RAPGEF1: variants seen among roughly 807,000 people sequenced by gnomAD.
RAPGEF1 encodes CRK SH3-binding GNRP.
Under a neutral mutation model 143.3 loss-of-function variants are expected in RAPGEF1, and 33 were observed. The observed-to-expected ratio is 0.23, with a 90% CI of 0.17 to 0.31. RAPGEF1 has a LOEUF of 0.31. Ranked by LOEUF, RAPGEF1 falls within the 10% of genes least tolerant of loss-of-function variation. The probability of loss-of-function intolerance (pLI) is 1.00; values close to 1 mark genes in which losing one functional copy is unlikely to be tolerated. For synonymous variants in RAPGEF1, 629 were observed against 676.5 expected (o/e 0.93, Z 1.09); for missense variants, 1,199 against 1,645.4 (o/e 0.73, Z 4.69).
At chr9:131,691,017 T>A (rs531971945) in intron 1 of RAPGEF1, among the ~76,000 whole-genome samples, 1 of 152,230 alleles carries the variant, frequency 6.6e-6, no homozygotes, top group Non-Finnish European at 1.5e-5. Context: ...AGATTTTGTG[T>A]TTTATCAAGA....
Position 131,584,697 on chromosome 9 carries a change from GCCA to G in RAPGEF1, c.3234-104_3234-102del. 1 of 1,145,114 alleles carries G rather than the reference GCCA, an allele frequency of 8.7e-7. No homozygotes were observed. Among genetic ancestry groups the G allele is most frequent in the Non-Finnish European group, 1.3e-6 (1 of 768,050 alleles). The allele number at this position is 1,145,114 out of a possible 1,614,324, so 70.9% of individuals were successfully genotyped here. A position where few individuals can be genotyped will look rare whatever the true frequency, so the allele number is the denominator to read the frequency against. On this transcript the variant is annotated intron_variant, in intron 22 of 26. Coordinates refer to ENST00000683357, the MANE Select transcript of RAPGEF1 (RefSeq NM_001377935.1). This position sits in a 1 kb window ranked among gnomAD's most constrained non-coding sequence, Gnocchi z 6.8. ...GACCTGTACGACCCCCATGCCAGTG[GCCA>G]CGAGCCCACCCCTACTGAATACCTG...
At chr9:131,623,106 A>C (rs939647082) in intron 10 of RAPGEF1, among the ~76,000 whole-genome samples, 1 of 152,074 alleles carries the variant, frequency 6.6e-6, no homozygotes, top group Admixed American at 6.5e-5. Context: ...CAATGTCACC[A>C]GGCTCCAGAC....
intron 12 of RAPGEF1, among the ~76,000 whole-genome samples, chr9:131,607,065 C>G (rs539683338): frequency 5.5e-4 from 84 of 152,302 alleles, no homozygotes; most frequent in African/African-American, 1.9e-3. Flanking sequence ...TCAAGCTCCT[C>G]CCTCATCTCA....
In RAPGEF1 at chr9:131,621,722, C is replaced by G. The variant is rs559321054; in HGVS notation, c.1905+74G>C. 1 of 1,455,892 alleles carries G rather than the reference C, an allele frequency of 6.9e-7. No homozygotes were observed. The highest frequency in any genetic ancestry group is 9.3e-7 in the Non-Finnish European group (1 of 1,072,574). 90.2% of individuals were successfully genotyped at this position (1,455,892 alleles called of 1,614,324 possible). A position where few individuals can be genotyped will look rare whatever the true frequency, so the allele number is the denominator to read the frequency against. On this transcript the variant is annotated intron_variant, in intron 11 of 26. Transcript: ENST00000683357. The surrounding 1 kb of genome is among the most constrained non-coding windows in gnomAD (Gnocchi z 4.5). The stretch of plus-strand genomic sequence containing the variant: ...CAGGGAGGAGGGTTAACCCTGCCCC[C>G]AAGGAGGGTCATTCTGGTTCCTAGA...
intron 1 of RAPGEF1, among the ~76,000 whole-genome samples, chr9:131,678,293 T>C (rs988947554): frequency 6.6e-6 from 1 of 152,120 alleles, no homozygotes; most frequent in African/African-American, 2.4e-5. Flanking sequence ...TAAAAGAAAG[T>C]AAATAAACTC....
intron 1 of RAPGEF1, among the ~76,000 whole-genome samples, chr9:131,663,778 T>C (rs1205366618): frequency 1.3e-5 from 2 of 152,188 alleles, no homozygotes; most frequent in Non-Finnish European, 2.9e-5. Flanking sequence ...ATCTGCCAAA[T>C]TTCTCCACTG....
At chr9:131,643,069 A>G (rs936170333) in intron 4 of RAPGEF1, among the ~76,000 whole-genome samples, 170 bp downstream of exon 4, 2 of 152,128 alleles carry the variant, frequency 1.3e-5, no homozygotes, top group African/African-American at 4.8e-5. Context: ...CTCAACTCTG[A>G]GATGGCATCA....
intron 5 of RAPGEF1, among the ~76,000 whole-genome samples, chr9:131,633,494 C>T (rs1541054): frequency 2.0e-5 from 3 of 152,304 alleles, no homozygotes; most frequent in East Asian, 1.9e-4. Flanking sequence ...TCTGTTGATA[C>T]AGGAAAACAT....
intron 22 of RAPGEF1, among the ~76,000 whole-genome samples, chr9:131,587,475 C>A (rs1176109937): frequency 6.6e-6 from 1 of 152,258 alleles, no homozygotes; most frequent in African/African-American, 2.4e-5. Context: ...CCCAACACCA[C>A]CTATGGCAGA....
Position 131,650,052 on chromosome 9 carries a change from TCCATCCCCAA to T in RAPGEF1, c.315+67_315+76del. ...ATAATAATAGTGCAATAGAGTTTTT[TCCATCCCCAA>T]AACCATGGACCAGGATTCTGCAGTA... On this transcript the variant is annotated intron_variant, in intron 3 of 26. Coordinates refer to ENST00000683357, the MANE Select transcript of RAPGEF1 (RefSeq NM_001377935.1). The surrounding 1 kb of genome is among the most constrained non-coding windows in gnomAD (Gnocchi z 4.7). 8.1e-7 allele frequency: 1 copy of T among 1,236,282 alleles called. No homozygotes were observed. The highest frequency in any genetic ancestry group is 2.2e-5 in the Admixed American group (1 of 44,974). The allele number at this position is 1,236,282 out of a possible 1,614,324, so 76.6% of individuals were successfully genotyped here.
At position 131,605,114 on chromosome 9, in the gene RAPGEF1, C is replaced by A. The variant is rs538134552; in HGVS notation, c.2136G>T (p.Pro712=). Residue 712 remains proline (P), a synonymous_variant, in exon 13 of 27, where the codon CCG becomes CCT. Transcript: ENST00000683357. Reference sequence around the variant, plus strand: ...AATGTGGAGAGGAAGAGGAGGTAGGCGGAAGGAAAGGCGGAACGGAAGCTT... The same window carrying A: ...AATGTGGAGAGGAAGAGGAGGTAGGAGGAAGGAAAGGCGGAACGGAAGCTT... ...HHQASVPPFL[P]PTSSSSPHFP... 1.5e-6 allele frequency: 2 copies of A among 1,364,196 alleles called. No individual in the cohort carries two copies. The highest frequency in any genetic ancestry group is 1.1e-5 in the South Asian group (1 of 87,430). 84.5% of individuals were successfully genotyped at this position (1,364,196 alleles called of 1,614,324 possible).
chr9:131,595,405 T>C lies in RAPGEF1; in HGVS notation c.2689+893A>G, dbSNP rs565935256. 5.3e-5 allele frequency among the ~76,000 whole-genome samples: 8 copies of C among 152,364 alleles called. No homozygotes were observed. The East Asian group carries it at 1.5e-3, about 29-fold the overall frequency. On this transcript the variant is annotated intron_variant, in intron 17 of 26. Transcript: ENST00000683357. ...ATTCCCCGAGTCACTCTGGGTCACA[T>C]GTTTTGGGAAACGTGCTGAGGAAAC...
intron 1 of RAPGEF1, among the ~76,000 whole-genome samples, chr9:131,674,420 T>C (rs1263297680): frequency 1.3e-5 from 2 of 152,204 alleles, no homozygotes; most frequent in African/African-American, 4.8e-5. Context: ...CCCAAAGCAG[T>C]CAGCCTGACT....
intron 1 of RAPGEF1, among the ~76,000 whole-genome samples, chr9:131,696,368 AG>A (rs577574475): frequency 3.9e-4 from 60 of 152,334 alleles, no homozygotes; most frequent in African/African-American, 1.4e-3. Context: ...TACATCTTAA[AG>A]GGCTTTCCTT....
chr9:131,662,807 T>A (rs1263108510), intron 1 of RAPGEF1, among the ~76,000 whole-genome samples: 1 of 152,112 alleles, frequency 6.6e-6, no homozygotes, highest in African/African-American at 2.4e-5. Context: ...CCTCCCAAAG[T>A]GCTAGCCACC....
intron 3 of RAPGEF1, 71 bp from the exon 4 acceptor site, chr9:131,643,488 C>T: frequency 7.1e-7 from 1 of 1,417,890 alleles, no homozygotes; most frequent in Non-Finnish European, 9.4e-7. Context: ...AATAAAGGAA[C>T]ATTTTCTTTA....
intron 1 of RAPGEF1, among the ~76,000 whole-genome samples, chr9:131,672,884 G>C (rs777029341): frequency 3.9e-5 from 6 of 152,152 alleles, no homozygotes; most frequent in Non-Finnish European, 7.3e-5. Context: ...AAATTTAGCT[G>C]AATCAGGCTC....
chr9:131,666,122 G>T (rs930815676), intron 1 of RAPGEF1, among the ~76,000 whole-genome samples: 3 of 152,226 alleles, frequency 2.0e-5, no homozygotes, highest in Non-Finnish European at 4.4e-5. Context: ...TAATATCAGA[G>T]ATGTAGATAA....
At position 131,596,338 on chromosome 9, in the gene RAPGEF1, C is replaced by T. The variant is rs35658906; in HGVS notation, c.2649G>A (p.Gly883=). 6.8e-3 allele frequency: 10,900 copies of T among 1,613,944 alleles called. 52 individuals carry two copies. Among genetic ancestry groups the T allele is most frequent in the Non-Finnish European group, 8.1e-3 (9,560 of 1,179,868 alleles). Reference sequence around the variant, plus strand: ...CAGTAGCATGGACCAGTAAGATGTCCCCAGATCCTCCGCGGACGTCCGGCC... The same window carrying T: ...CAGTAGCATGGACCAGTAAGATGTCTCCAGATCCTCCGCGGACGTCCGGCC... ...DDGPDVRGGS[G]DILLVHATET... is the part of the protein sequence containing the mutation. The change falls in exon 17 of 27, where the codon GGG becomes GGA. Residue 883 remains glycine (G), a synonymous_variant. Transcript: ENST00000683357.
Sources: allele counts gnomAD v4.1 joint callset (sites outside exome capture counted in the v4.1 genomes callset), GRCh38; gene constraint gnomAD v4.1.1; non-coding constraint Gnocchi (gnomAD v3.1); transcripts MANE v1.5; gene names NCBI Gene and HGNC (gene_info 2026-07-23, HGNC 2026-07-21).